Variants in KCNT2 observed in about 807,000 individuals in gnomAD.
The protein encoded by KCNT2 is potassium channel subfamily T member 2.
In KCNT2, 67 loss-of-function variants were observed where a neutral mutation model predicts 153.8. That is an observed-to-expected ratio of 0.44 (90% CI 0.36 to 0.53). The LOEUF (loss-of-function observed/expected upper bound fraction) is 0.53, where lower values mean the gene tolerates loss of function less well. Ranked by LOEUF, KCNT2 falls within the 20% of genes least tolerant of loss-of-function variation. The pLI is 0.00. For missense variants in KCNT2, 975 were observed against 1,354.8 expected, an observed-to-expected ratio of 0.72 and a Z score of 4.40; for synonymous variants, 500 against 458.8, an observed-to-expected ratio of 1.09 and a Z score of -1.15.
intron 25 of KCNT2, among the ~76,000 whole-genome samples, chr1:196,260,965 C>T (rs936400796): frequency 1.3e-5 from 2 of 151,716 alleles, no homozygotes. Context: ...AAATGATCCA[C>T]AATATCAATA....
rs1475882066 is a variant in KCNT2 at position 196,554,887 on chromosome 1, T to C, written c.95+53328A>G. 2.0e-5 allele frequency among the ~76,000 whole-genome samples: 3 copies of C among 150,992 alleles called. No individual in the cohort carries two copies. The Admixed American group carries it at 2.0e-4, about 10-fold the overall frequency. ...TATCAACAGAAGGAAGAATAAAAAA[T>C]ATACGATTATTTAAATTGATACTGA... On this transcript the variant is annotated intron_variant, in intron 1 of 27. Coordinates refer to ENST00000294725, the MANE Select transcript of KCNT2 (RefSeq NM_198503.5).
At chr1:196,235,544 A>G (rs1654354707) in intron 27 of KCNT2, among the ~76,000 whole-genome samples, 1 of 151,414 alleles carries the variant, frequency 6.6e-6, no homozygotes, top group Admixed American at 6.6e-5. Flanking sequence ...GGTGAGTGCT[A>G]CCACTGTACA....
At chr1:196,340,284 T>C (rs1298966569) in intron 16 of KCNT2, 57 bp downstream of exon 16, 20 of 1,060,090 alleles carry the variant, frequency 1.9e-5, no homozygotes, top group Non-Finnish European at 2.6e-5. Context: ...TTGGTATTTA[T>C]CATTATTTTT....
At chr1:196,358,619 A>G (rs936899040) in intron 14 of KCNT2, among the ~76,000 whole-genome samples, 1 of 151,790 alleles carries the variant, frequency 6.6e-6, no homozygotes, top group Admixed American at 6.6e-5. Context: ...CTTTGTTTTC[A>G]CTTACTGAAA....
chr1:196,440,660 C>T (rs1675144867), intron 8 of KCNT2, among the ~76,000 whole-genome samples: 1 of 151,868 alleles, frequency 6.6e-6, no homozygotes, highest in Admixed American at 6.6e-5. Flanking sequence ...CCTGGAGTAA[C>T]TGTTCCATAA....
chr1:196,492,498 T>A (rs530006682), intron 1 of KCNT2, among the ~76,000 whole-genome samples, 157 bp from the exon 2 acceptor site: 1 of 152,110 alleles, frequency 6.6e-6, no homozygotes, highest in Non-Finnish European at 1.5e-5. Context: ...TGTATTTTAG[T>A]AAATTCCCTG....
At chr1:196,249,144 GA>G (rs1347031632) in intron 26 of KCNT2, among the ~76,000 whole-genome samples, 6 of 151,896 alleles carry the variant, frequency 4.0e-5, no homozygotes, top group African/African-American at 1.5e-4. Flanking sequence ...GGTATAGGAG[GA>G]ACAAACCTCA....
chr1:196,312,089 C>T (rs992911012), intron 21 of KCNT2, among the ~76,000 whole-genome samples: 10 of 151,882 alleles, frequency 6.6e-5, no homozygotes, highest in Admixed American at 4.6e-4. Context: ...CACTTTTTAG[C>T]AGCTCTTTGT....
rs548866316 is a variant in KCNT2 at position 196,598,550 on chromosome 1, A to G, written c.95+9665T>C. Among the ~76,000 whole-genome samples the G allele has an allele frequency of 1.8e-4, 28 of 152,284 alleles. 1 individual carries two copies. In the East Asian group the frequency reaches 5.4e-3, roughly 29 times the overall value. On this transcript the variant is annotated intron_variant, in intron 1 of 27. Transcript: ENST00000294725. ...AATCAAGTCACTATAACACTGGCCT[A>G]TGGGGATGCAAGAGCTGTATGACTT...
intron 1 of KCNT2, among the ~76,000 whole-genome samples, chr1:196,565,605 A>G (rs1660014676): frequency 6.7e-6 from 1 of 149,388 alleles, no homozygotes. Context: ...ATATATATAT[A>G]TATATGTATA....
At chr1:196,338,440 G>A (rs1665247494) in intron 16 of KCNT2, among the ~76,000 whole-genome samples, 1 of 151,674 alleles carries the variant, frequency 6.6e-6, no homozygotes, top group Non-Finnish European at 1.5e-5. Flanking sequence ...AGTAAAAGGG[G>A]GTTCTTTTAA....
At chr1:196,461,115 C>T (rs932371096) in intron 8 of KCNT2, among the ~76,000 whole-genome samples, 10 of 151,862 alleles carry the variant, frequency 6.6e-5, no homozygotes, top group Admixed American at 5.3e-4. Flanking sequence ...ATCCAAACTA[C>T]AGTACTTATC....
chr1:196,226,643 G>A lies in KCNT2; in HGVS notation c.*1581C>T, dbSNP rs1653510410. 1 of 151,892 alleles carries A rather than the reference G, an allele frequency of 6.6e-6. No homozygotes were observed. Among genetic ancestry groups the A allele is most frequent in the African/African-American group, 2.4e-5 (1 of 41,424 alleles). 9.4% of individuals were successfully genotyped at this position (151,892 alleles called of 1,614,324 possible). On this transcript the variant is annotated 3_prime_UTR_variant, in exon 28 of 28. Transcript: ENST00000294725. ...TAGCCTCCAAGCCAAATTATACAAT[G>A]ACTATAATCTTTGATTTCACATTGC... is the stretch of plus-strand genomic sequence containing the variant.
At chr1:196,261,179 C>G (rs1227933515) in intron 25 of KCNT2, among the ~76,000 whole-genome samples, 1 of 151,874 alleles carries the variant, frequency 6.6e-6, no homozygotes, top group African/African-American at 2.4e-5. Flanking sequence ...GGATACACAA[C>G]AGTGCCTTTA....
intron 25 of KCNT2, among the ~76,000 whole-genome samples, chr1:196,260,509 G>T (rs1410945764): frequency 6.6e-6 from 1 of 151,578 alleles, no homozygotes; most frequent in South Asian, 2.1e-4. Flanking sequence ...GTCATAGTTT[G>T]TACATAAAAA....
chr1:196,383,567 G>T (rs1489293256), intron 13 of KCNT2, among the ~76,000 whole-genome samples: 1 of 152,108 alleles, frequency 6.6e-6, no homozygotes, highest in African/African-American at 2.4e-5. Flanking sequence ...AAGCAAAATG[G>T]AAAGAAGATT....
At chr1:196,283,876 A>G (rs1659366205) in intron 23 of KCNT2, among the ~76,000 whole-genome samples, 1 of 152,036 alleles carries the variant, frequency 6.6e-6, no homozygotes, top group African/African-American at 2.4e-5. Context: ...ATACATACAC[A>G]TCTACACACA....
At chr1:196,604,668 G>A (rs890853068) in intron 1 of KCNT2, among the ~76,000 whole-genome samples, 1 of 151,670 alleles carries the variant, frequency 6.6e-6, no homozygotes, top group African/African-American at 2.4e-5. Flanking sequence ...AATTATCTAA[G>A]GATGGCGTAA....
At chr1:196,352,043 C>A (rs1211324398) in intron 14 of KCNT2, among the ~76,000 whole-genome samples, 2 of 152,106 alleles carry the variant, frequency 1.3e-5, no homozygotes, top group Non-Finnish European at 2.9e-5. Flanking sequence ...CCTTGCATCC[C>A]AGGGATGAAG....
Sources: allele counts gnomAD v4.1 joint callset (sites outside exome capture counted in the v4.1 genomes callset), GRCh38; gene constraint gnomAD v4.1.1; transcripts MANE v1.5; gene names NCBI Gene and HGNC (gene_info 2026-07-23, HGNC 2026-07-21).